ADGRB3: variants seen among roughly 807,000 people sequenced by gnomAD.
ADGRB3 encodes brain-specific angiogenesis inhibitor 3.
A neutral mutation model predicts 193.4 loss-of-function variants in ADGRB3; 37 were observed. That is an observed-to-expected ratio of 0.19 (90% CI 0.15 to 0.25). The LOEUF (loss-of-function observed/expected upper bound fraction) is 0.25, where lower values mean the gene tolerates loss of function less well. Among genes scored for constraint, ADGRB3 ranks in the 10% least tolerant of loss-of-function variants. The pLI is 1.00. For synonymous variants in ADGRB3, 690 were observed against 644.2 expected, an observed-to-expected ratio of 1.07 and a Z score of -1.08; for missense variants, 1,637 against 1,852.9, an observed-to-expected ratio of 0.88 and a Z score of 2.14.
At chr6:69,291,259 C>T (rs991968608) in intron 20 of ADGRB3, among the ~76,000 whole-genome samples, 3 of 152,004 alleles carry the variant, frequency 2.0e-5, no homozygotes, top group Non-Finnish European at 4.4e-5. Context: ...TTATTATCAT[C>T]ATTATTATTA....
intron 17 of ADGRB3, chr6:69,232,699 C>A (rs925397928): frequency 5.3e-6 from 7 of 1,324,808 alleles, no homozygotes; most frequent in Non-Finnish European, 7.2e-6. Flanking sequence ...GATGCCGCTG[C>A]TGCTGCTTCC....
chr6:69,347,224 G>T (rs1026467141), intron 26 of ADGRB3, among the ~76,000 whole-genome samples: 1 of 152,208 alleles, frequency 6.6e-6, no homozygotes, highest in Non-Finnish European at 1.5e-5. Flanking sequence ...GGGGCCTAGG[G>T]GAGGGATAGC....
intron 3 of ADGRB3, among the ~76,000 whole-genome samples, chr6:68,717,193 A>C (rs1377044726): frequency 1.3e-5 from 2 of 151,704 alleles, no homozygotes; most frequent in Non-Finnish European, 3.0e-5. Context: ...GGAAAATTTT[A>C]CTTCTGCCGT....
chr6:68,981,844 TG>T (rs1768919121), intron 10 of ADGRB3, among the ~76,000 whole-genome samples: 1 of 134,590 alleles, frequency 7.4e-6, no homozygotes. Context: ...ATACCTATTT[TG>T]TTATTTATTT....
At chr6:68,883,308 C>T (rs994668746) in intron 3 of ADGRB3, among the ~76,000 whole-genome samples, 4 of 151,474 alleles carry the variant, frequency 2.6e-5, no homozygotes, top group African/African-American at 9.8e-5. Context: ...AATCAGCTCT[C>T]TGTAAAATGG....
chr6:68,909,899 A>T (rs187427991), intron 3 of ADGRB3, among the ~76,000 whole-genome samples: 2 of 152,330 alleles, frequency 1.3e-5, no homozygotes, highest in East Asian at 3.9e-4. Context: ...AGCATGATTT[A>T]TAATCCTTTG....
At chr6:69,057,047 T>G (rs550743886) in intron 15 of ADGRB3, among the ~76,000 whole-genome samples, 1 of 152,268 alleles carries the variant, frequency 6.6e-6, no homozygotes, top group Admixed American at 6.5e-5. Flanking sequence ...CAGGATTTCC[T>G]TCCATTTATC....
chr6:68,791,367 A>G (rs1202710734), intron 3 of ADGRB3, among the ~76,000 whole-genome samples: 1 of 152,238 alleles, frequency 6.6e-6, no homozygotes, highest in Non-Finnish European at 1.5e-5. Flanking sequence ...CAATATAGGT[A>G]TATGCTACAT....
chr6:68,954,189 T>C (rs1021875046), intron 6 of ADGRB3, among the ~76,000 whole-genome samples: 1 of 152,212 alleles, frequency 6.6e-6, no homozygotes, highest in African/African-American at 2.4e-5. Context: ...ATACTTCATG[T>C]TTCATGTTAA....
chr6:68,904,979 G>A (rs1366737618), intron 3 of ADGRB3, among the ~76,000 whole-genome samples: 2 of 152,250 alleles, frequency 1.3e-5, no homozygotes, highest in East Asian at 3.9e-4. Context: ...AATTGATTAT[G>A]TTACTTGGGC....
chr6:69,009,354 T>C (rs1769865990), intron 11 of ADGRB3, among the ~76,000 whole-genome samples: 2 of 152,014 alleles, frequency 1.3e-5, no homozygotes, highest in South Asian at 4.1e-4. Context: ...AAATTGCATG[T>C]AAATCTGGAC....
intron 11 of ADGRB3, among the ~76,000 whole-genome samples, chr6:69,011,164 T>C (rs1248819103): frequency 6.7e-6 from 1 of 149,668 alleles, no homozygotes; most frequent in Non-Finnish European, 1.5e-5. Context: ...TGTGTGTGTG[T>C]GTGTATATAT....
intron 20 of ADGRB3, among the ~76,000 whole-genome samples, chr6:69,288,183 G>T (rs1767591786): frequency 6.6e-6 from 1 of 152,046 alleles, no homozygotes; most frequent in Non-Finnish European, 1.5e-5. Context: ...TTCTCCTAAT[G>T]CTATCCCTCC....
At chr6:69,144,530 A>T (rs1296408053) in intron 17 of ADGRB3, among the ~76,000 whole-genome samples, 1 of 152,144 alleles carries the variant, frequency 6.6e-6, no homozygotes, top group Non-Finnish European at 1.5e-5. Flanking sequence ...ATTCAGTATG[A>T]TCCTATCCAT....
Position 68,660,806 on chromosome 6 carries a change from T to C in ADGRB3, c.757+21374T>C, listed in dbSNP as rs140834063. Reference sequence around the variant, plus strand: ...AATAGGATTGAGTTTTGCCATAAGTTTCTTGTCTTCAGCAAAACGTTAATT... The same window carrying C: ...AATAGGATTGAGTTTTGCCATAAGTCTCTTGTCTTCAGCAAAACGTTAATT... On this transcript the variant is annotated intron_variant, in intron 3 of 31. Coordinates refer to ENST00000370598, the MANE Select transcript of ADGRB3 (RefSeq NM_001704.3). Among the ~76,000 whole-genome samples, 780 of 151,258 alleles carry C rather than the reference T, an allele frequency of 5.2e-3. 3 individuals are homozygous for C. The highest frequency in any genetic ancestry group is 0.027 in the South Asian group (132 of 4,824).
At chr6:68,977,007 A>G (rs572908557) in intron 10 of ADGRB3, among the ~76,000 whole-genome samples, 31 of 149,154 alleles carry the variant, frequency 2.1e-4, no homozygotes, top group African/African-American at 6.3e-4. Context: ...ATCATATAAT[A>G]TGCATTATAT....
At chr6:69,300,651 C>A (rs1450972646) in intron 20 of ADGRB3, among the ~76,000 whole-genome samples, 1 of 151,686 alleles carries the variant, frequency 6.6e-6, no homozygotes, top group African/African-American at 2.4e-5. Context: ...TAAAAACCAG[C>A]AGCATTTACA....
intron 17 of ADGRB3, among the ~76,000 whole-genome samples, chr6:69,095,402 AG>A (rs1772844163): frequency 1.9e-4 from 2 of 10,574 alleles, no homozygotes; most frequent in Non-Finnish European, 3.6e-4. Context: ...GGCAGGGGGC[AG>A]GGGGCAGGGG....
intron 17 of ADGRB3, among the ~76,000 whole-genome samples, chr6:69,085,193 C>T (rs1772512102): frequency 6.6e-6 from 1 of 152,136 alleles, no homozygotes; most frequent in East Asian, 1.9e-4. Context: ...TCATCCATTT[C>T]TCCTTATTCT....
Sources: allele counts gnomAD v4.1 joint callset (sites outside exome capture counted in the v4.1 genomes callset), GRCh38; gene constraint gnomAD v4.1.1; transcripts MANE v1.5; gene names NCBI Gene and HGNC (gene_info 2026-07-23, HGNC 2026-07-21).